The following OR51B5 variants were observed in gnomAD, a reference collection of about 807,000 sequenced individuals.
OR51B5 encodes olfactory receptor 51B5.
For missense variants in OR51B5, 456 were observed against 374.6 expected, an observed-to-expected ratio of 1.22 and a Z score of -1.79; for synonymous variants, 186 against 144.8, an observed-to-expected ratio of 1.28 and a Z score of -2.04.
chr11:5,447,830 A>C (rs1015718219), intron 1 of OR51B5, among the ~76,000 whole-genome samples: 3 of 152,114 alleles, frequency 2.0e-5, no homozygotes, highest in African/African-American at 7.2e-5. Flanking sequence ...AAGCTTTCCA[A>C]CACTTCTAGA....
chr11:5,486,049 A>G (rs1164011101), intron 1 of OR51B5, among the ~76,000 whole-genome samples: 1 of 152,076 alleles, frequency 6.6e-6, no homozygotes, highest in Admixed American at 6.5e-5. Flanking sequence ...GGTCATCTAC[A>G]AGGCAAGGAG....
rs544612694 is a variant in OR51B5 at position 5,366,566 on chromosome 11, G to A, written n.85-19656C>T. ...GGAGGTTGCAGTGAGCCGAGATCGCGCCATTGCACTCCAGCAGCCTGGAAG... is the reference window on the plus strand; with the variant it reads ...GGAGGTTGCAGTGAGCCGAGATCGCACCATTGCACTCCAGCAGCCTGGAAG... On this transcript the variant is annotated intron_variant and non_coding_transcript_variant, in intron 1 of 4. Coordinates refer to the OR51B5 transcript ENST00000415970. Among the ~76,000 whole-genome samples, 362 of 151,834 alleles carry A rather than the reference G, an allele frequency of 2.4e-3. 2 individuals are homozygous for A. The highest frequency in any genetic ancestry group is 2.1e-3 in the Non-Finnish European group (143 of 67,988).
Position 5,390,119 on chromosome 11 carries a change from G to A in OR51B5, n.85-43209C>T, listed in dbSNP as rs1038471969. On this transcript the variant is annotated intron_variant and non_coding_transcript_variant, in intron 1 of 4. Transcript: ENST00000415970. ...CATCCTGCACACAGTAGCAGGCCTGGCCTCCCAAGAGGAGCAGCGCCGTGC... is the reference window on the plus strand; with the variant it reads ...CATCCTGCACACAGTAGCAGGCCTGACCTCCCAAGAGGAGCAGCGCCGTGC... The A allele has an allele frequency of 9.3e-6, 15 of 1,613,690 alleles. No homozygotes were observed. The Admixed American group carries it at 2.3e-4, about 25-fold the overall frequency.
intron 1 of OR51B5, among the ~76,000 whole-genome samples, chr11:5,430,196 C>T (rs1589992412): frequency 6.6e-6 from 1 of 152,038 alleles, no homozygotes; most frequent in Non-Finnish European, 1.5e-5. Flanking sequence ...GCTCACCTTA[C>T]TCAAAGACAT....
intron 1 of OR51B5, among the ~76,000 whole-genome samples, chr11:5,357,000 C>G (rs1032260686): frequency 6.6e-6 from 1 of 151,964 alleles, no homozygotes; most frequent in Non-Finnish European, 1.5e-5. Flanking sequence ...AAGGCACAAC[C>G]GGTACCAGCC....
intron 1 of OR51B5, among the ~76,000 whole-genome samples, chr11:5,384,227 T>C (rs1440685694): frequency 1.3e-5 from 2 of 152,288 alleles, no homozygotes; most frequent in East Asian, 3.9e-4. Flanking sequence ...CAGGCTACAG[T>C]GCAGTGGTGT....
chr11:5,399,577 T>C (rs1407647564), intron 1 of OR51B5, among the ~76,000 whole-genome samples: 1 of 152,182 alleles, frequency 6.6e-6, no homozygotes, highest in Non-Finnish European at 1.5e-5. Flanking sequence ...CTACTTTTTT[T>C]CTGATTTGTT....
intron 1 of OR51B5, among the ~76,000 whole-genome samples, chr11:5,463,308 C>G (rs1365724844): frequency 3.9e-5 from 6 of 152,204 alleles, no homozygotes. Flanking sequence ...GCCAGCCAAA[C>G]TTTCTACAGA....
chr11:5,392,476 C>T (rs548205989), intron 1 of OR51B5: 1 of 152,134 alleles, frequency 6.6e-6, no homozygotes, highest in Admixed American at 6.5e-5. Context: ...AACAAATAGA[C>T]CACTGACATC....
At chr11:5,445,429 T>G (rs1241116968) in intron 1 of OR51B5, among the ~76,000 whole-genome samples, 2 of 152,106 alleles carry the variant, frequency 1.3e-5, no homozygotes, top group Non-Finnish European at 2.9e-5. Flanking sequence ...ATGCAAGCAC[T>G]CCTTTTACTC....
intron 1 of OR51B5, among the ~76,000 whole-genome samples, chr11:5,431,822 G>A (rs761820709): frequency 3.3e-5 from 5 of 152,128 alleles, no homozygotes; most frequent in Non-Finnish European, 5.9e-5. Flanking sequence ...AATCCTAAAT[G>A]TTACTTGGAA....
chr11:5,345,124 ATTTTTGTTTTG>A (rs1259834028), upstream of OR51B5, among the ~76,000 whole-genome samples: 1 of 152,132 alleles, frequency 6.6e-6, no homozygotes, highest in African/African-American at 2.4e-5. Flanking sequence ...CCACCACGGA[ATTTTTGTTTTG>A]TTTTGTTTTC....
chr11:5,351,224 T>C (rs367801805), intron 1 of OR51B5, among the ~76,000 whole-genome samples: 1 of 152,324 alleles, frequency 6.6e-6, no homozygotes, highest in Admixed American at 6.5e-5. Flanking sequence ...TTATATGATT[T>C]ACAATGAATT....
At chr11:5,342,079 A>ATATTCTTTTTTGCAGGAAAATTC (rs1363474077), downstream of OR51B5, among the ~76,000 whole-genome samples, 4 of 152,170 alleles carry the variant, frequency 2.6e-5, no homozygotes, top group African/African-American at 9.7e-5. Context: ...AAAGAAGATT[A>ATATTCTTTTTTGCAGGAAAATTC]TATTCTTTTT....
chr11:5,422,834 G>T (rs369726411), intron 1 of OR51B5: 95 of 1,613,978 alleles, frequency 5.9e-5, no homozygotes, highest in Non-Finnish European at 7.4e-5. Context: ...TATTATCGTG[G>T]ATCCTCTGCT....
chr11:5,444,279 T>C (rs1405196561), intron 1 of OR51B5, among the ~76,000 whole-genome samples: 1 of 152,184 alleles, frequency 6.6e-6, no homozygotes, highest in Non-Finnish European at 1.5e-5. Flanking sequence ...TCTCCAGCTG[T>C]ACACACAAAA....
intron 1 of OR51B5, among the ~76,000 whole-genome samples, chr11:5,484,626 T>G (rs1018211273): frequency 6.6e-6 from 1 of 152,178 alleles, no homozygotes; most frequent in Non-Finnish European, 1.5e-5. Context: ...CACAAAGACA[T>G]GTGTTCACTT....
At chr11:5,440,846 G>C (rs766547926) in intron 1 of OR51B5, 1 of 1,613,812 alleles carries the variant, frequency 6.2e-7, no homozygotes, top group African/African-American at 1.3e-5. Context: ...TGGCTCTCAG[G>C]ATCAATGCGT....
chr11:5,496,324 G>A (rs946012749), intron 1 of OR51B5, among the ~76,000 whole-genome samples: 4 of 152,396 alleles, frequency 2.6e-5, no homozygotes, highest in African/African-American at 4.8e-5. Flanking sequence ...ATTTCTGAGT[G>A]TGATTTCCAT....
Sources: allele counts gnomAD v4.1 joint callset (sites outside exome capture counted in the v4.1 genomes callset), GRCh38; gene constraint gnomAD v4.1.1; transcripts MANE v1.5; gene names NCBI Gene and HGNC (gene_info 2026-07-23, HGNC 2026-07-21).